Variants in ERBIN observed in about 807,000 individuals in gnomAD.
ERBIN encodes the protein densin-180-like protein.
A neutral mutation model predicts 158.4 loss-of-function variants in ERBIN; 60 were observed. The ratio of observed to expected loss-of-function variants is 0.38; its 90% confidence interval spans 0.31 to 0.47. The LOEUF (loss-of-function observed/expected upper bound fraction) is 0.47. Among genes scored for constraint, ERBIN ranks in the 20% least tolerant of loss-of-function variants. ERBIN has a pLI of 0.99. For missense variants in ERBIN, 1,610 were observed against 1,648.0 expected (o/e 0.98, Z 0.40); for synonymous variants, 594 against 557.2 (o/e 1.07, Z -0.93).
intron 4 of ERBIN, among the ~76,000 whole-genome samples, chr5:66,005,933 G>A (rs1398006564): frequency 6.6e-6 from 1 of 152,068 alleles, no homozygotes; most frequent in Non-Finnish European, 1.5e-5. Flanking sequence ...ATGCTCATGG[G>A]TAGGAAGAAT....
Position 66,082,005 on chromosome 5 carries a change from C to G in ERBIN, c.*3475C>G, listed in dbSNP as rs1456129048. The G allele has an allele frequency of 6.6e-6, 1 of 152,012 alleles. No homozygotes were observed. Among genetic ancestry groups the G allele is most frequent in the Non-Finnish European group, 1.5e-5 (1 of 67,996 alleles). The allele number at this position is 152,012 out of a possible 1,614,324, so 9.4% of individuals were successfully genotyped here. ...TCAGAAAAAGTTGACCATATTCTACCTAAAGCTGCTAATTCTTTACAGAAT... is the reference window on the plus strand; with the variant it reads ...TCAGAAAAAGTTGACCATATTCTACGTAAAGCTGCTAATTCTTTACAGAAT... On this transcript the variant is annotated 3_prime_UTR_variant, in exon 26 of 26. Transcript: ENST00000284037.
At chr5:66,044,484 G>A (rs903207284) in intron 17 of ERBIN, among the ~76,000 whole-genome samples, 174 bp downstream of exon 17, 1 of 152,202 alleles carries the variant, frequency 6.6e-6, no homozygotes, top group African/African-American at 2.4e-5. Flanking sequence ...AGTATAAGGG[G>A]CTGGGCGTGG....
chr5:66,055,048 T>G, intron 21 of ERBIN, 97 bp downstream of exon 21: 10 of 1,436,310 alleles, frequency 7.0e-6, no homozygotes, highest in Non-Finnish European at 9.1e-6. Context: ...GATTATCTCT[T>G]TATATTCTAG....
chr5:66,062,303 C>T (rs1490784899), intron 21 of ERBIN, among the ~76,000 whole-genome samples: 6 of 152,188 alleles, frequency 3.9e-5, no homozygotes, highest in Non-Finnish European at 7.3e-5. Flanking sequence ...CGTCTTCCAT[C>T]GCTGATACCC....
At chr5:65,980,376 C>T (rs1450642769) in intron 1 of ERBIN, among the ~76,000 whole-genome samples, 1 of 151,742 alleles carries the variant, frequency 6.6e-6, no homozygotes, top group Non-Finnish European at 1.5e-5. Context: ...TGCAGTGAGC[C>T]GAGATCATGC....
At chr5:66,019,644 A>G (rs1042373232) in intron 7 of ERBIN, among the ~76,000 whole-genome samples, 2 of 152,100 alleles carry the variant, frequency 1.3e-5, no homozygotes, top group African/African-American at 4.8e-5. Flanking sequence ...ACATGACAGT[A>G]TATTTTCTTT....
At chr5:66,053,292 T>C (rs1362642149) in intron 20 of ERBIN, 114 bp from the exon 21 acceptor site, 1 of 561,254 alleles carries the variant, frequency 1.8e-6, no homozygotes, top group Admixed American at 3.5e-5. Context: ...CTTTTGTCTT[T>C]GACTTTTATT....
intron 1 of ERBIN, among the ~76,000 whole-genome samples, chr5:65,940,625 G>A (rs1475834735): frequency 8.1e-5 from 8 of 98,440 alleles, no homozygotes; most frequent in African/African-American, 1.3e-4. Flanking sequence ...CCGGCCAGCC[G>A]CCCCGTCCGG....
chr5:65,969,331 A>G (rs1301089602), intron 1 of ERBIN, among the ~76,000 whole-genome samples: 8 of 152,206 alleles, frequency 5.3e-5, no homozygotes, highest in African/African-American at 1.9e-4. Flanking sequence ...CTTATGTATA[A>G]TTATGTTTTC....
intron 14 of ERBIN, among the ~76,000 whole-genome samples, chr5:66,034,913 A>G (rs1757241197): frequency 1.3e-5 from 2 of 152,164 alleles, no homozygotes; most frequent in African/African-American, 4.8e-5. Context: ...TGTGGTACAA[A>G]AGGGGAGTCA....
chr5:66,058,344 G>A (rs1000161041), intron 21 of ERBIN, among the ~76,000 whole-genome samples: 3 of 152,080 alleles, frequency 2.0e-5, no homozygotes, highest in African/African-American at 7.3e-5. Context: ...CTTCTTTTGA[G>A]AAGTGTCTGT....
chr5:66,016,921 C>T (rs1754804903), intron 7 of ERBIN, among the ~76,000 whole-genome samples: 1 of 151,892 alleles, frequency 6.6e-6, no homozygotes, highest in Non-Finnish European at 1.5e-5. Flanking sequence ...GGCTTGGGAT[C>T]TTTTTTTAGC....
At chr5:66,043,337 A>T in intron 16 of ERBIN, 139 bp downstream of exon 16, 1 of 780,900 alleles carries the variant, frequency 1.3e-6, no homozygotes, top group Non-Finnish European at 2.0e-6. Flanking sequence ...AGTGTTATTG[A>T]TTCCAAATAT....
At chr5:66,020,851 G>A (rs942324734) in intron 7 of ERBIN, among the ~76,000 whole-genome samples, 12 of 152,098 alleles carry the variant, frequency 7.9e-5, no homozygotes, top group Admixed American at 6.5e-4. Context: ...CATGTGGGGA[G>A]TAATACAACG....
At chr5:65,963,828 C>A (rs1403013516) in intron 1 of ERBIN, among the ~76,000 whole-genome samples, 1 of 141,256 alleles carries the variant, frequency 7.1e-6, no homozygotes, top group East Asian at 2.1e-4. Context: ...CTCGCTCTGT[C>A]GCCCAGGCTG....
intron 15 of ERBIN, among the ~76,000 whole-genome samples, chr5:66,039,257 C>T (rs565710893): frequency 1.3e-5 from 2 of 151,986 alleles, no homozygotes; most frequent in South Asian, 4.2e-4. Flanking sequence ...GTTTCCTTAT[C>T]TTGAAATGAT....
At chr5:66,044,851 A>G (rs1018592081) in intron 17 of ERBIN, among the ~76,000 whole-genome samples, 1 of 151,890 alleles carries the variant, frequency 6.6e-6, no homozygotes, top group African/African-American at 2.4e-5. Context: ...CCGAGGTGGG[A>G]TGGTCACTTA....
intron 1 of ERBIN, among the ~76,000 whole-genome samples, chr5:65,940,644 T>G (rs1414557679): frequency 2.2e-4 from 3 of 13,476 alleles, no homozygotes; most frequent in African/African-American, 6.8e-4. Context: ...GGGAGGGAGG[T>G]GGGGGGTCAG....
In ERBIN at chr5:66,048,686, C is replaced by G. The variant is rs944664035; in HGVS notation, c.1808C>G (p.Ser603Cys). The G allele has an allele frequency of 2.5e-6, 4 of 1,606,742 alleles. No individual in the cohort carries two copies. The highest frequency in any genetic ancestry group is 1.1e-5 in the South Asian group (1 of 88,806). ...CACTAGGAATCTGAAGAACTTTCTT[C>G]TGATGAAGAGATGAAAATGGCGGAG... ...DVFEESEELSSDEEMKMAEMR... is the reference protein window; with the variant it reads ...DVFEESEELSCDEEMKMAEMR... Residue 603 changes from serine to cysteine, a missense_variant, in exon 19 of 26, where the codon TCT becomes TGT. Ser to Cys is a moderately radical substitution (Grantham distance 112). Coordinates refer to ENST00000284037, the MANE Select transcript of ERBIN (RefSeq NM_001253697.2).
Sources: gnomAD v4.1 joint callset for allele counts (sites outside exome capture counted in the v4.1 genomes callset) on GRCh38, gnomAD v4.1.1 for gene constraint, MANE v1.5 for transcripts, NCBI Gene and HGNC (gene_info 2026-07-23, HGNC 2026-07-21) for gene names.